Variants in WARS2 observed in about 807,000 individuals in gnomAD.
The protein encoded by WARS2 is tryptophanyl tRNA synthetase 2, mitochondrial.
A neutral mutation model predicts 36.5 loss-of-function variants in WARS2; 28 were observed. That is an observed-to-expected ratio of 0.77 (90% confidence interval 0.57 to 1.05). WARS2 has a LOEUF of 1.05. Among genes scored for constraint, WARS2 ranks in the 50% least tolerant of loss-of-function variants. The pLI, the probability that WARS2 is intolerant of heterozygous loss-of-function variation, is 0.00. For synonymous variants in WARS2, 174 were observed against 178.4 expected (o/e 0.98, Z 0.20); for missense variants, 435 against 456.8 (o/e 0.95, Z 0.44).
At chr1:119,068,858 CA>C (rs1651087129) in intron 2 of WARS2, among the ~76,000 whole-genome samples, 3 of 149,494 alleles carry the variant, frequency 2.0e-5, no homozygotes, top group Non-Finnish European at 3.0e-5. Flanking sequence ...CACACATACA[CA>C]CACACACACA....
intron 1 of WARS2, among the ~76,000 whole-genome samples, chr1:119,104,268 T>A (rs1248201520): frequency 1.3e-5 from 2 of 151,660 alleles, no homozygotes; most frequent in African/African-American, 4.8e-5. Flanking sequence ...AATATTAGGA[T>A]CCTTTCCCCC....
intron 2 of WARS2, among the ~76,000 whole-genome samples, chr1:119,061,097 G>A (rs1351486993): frequency 2.0e-5 from 3 of 152,038 alleles, no homozygotes; most frequent in Non-Finnish European, 4.4e-5. Context: ...ATTCTTCAGA[G>A]GAATACAACA....
intron 1 of WARS2, among the ~76,000 whole-genome samples, chr1:119,124,819 AC>A (rs1406121669): frequency 2.0e-5 from 3 of 152,216 alleles, no homozygotes; most frequent in Non-Finnish European, 2.9e-5. Flanking sequence ...ATTCTAAGGT[AC>A]TATACAACTG....
intron 2 of WARS2, among the ~76,000 whole-genome samples, chr1:119,060,178 A>G (rs917543550): frequency 2.6e-5 from 4 of 152,240 alleles, no homozygotes; most frequent in Admixed American, 1.3e-4. Context: ...TTAGCTTGGT[A>G]TCAGTCTTCT....
At chr1:119,034,065 T>A (rs774919478) in intron 5 of WARS2, 30 bp downstream of exon 5, 3 of 1,577,600 alleles carry the variant, frequency 1.9e-6, no homozygotes, top group Admixed American at 1.7e-5. Flanking sequence ...GAATATACCC[T>A]GATGTAACAA....
chr1:119,132,533 C>T (rs1238961699), intron 1 of WARS2, among the ~76,000 whole-genome samples: 2 of 152,166 alleles, frequency 1.3e-5, no homozygotes, highest in Non-Finnish European at 2.9e-5. Flanking sequence ...TCAGACCATT[C>T]TCCCCATGGG....
At chr1:119,088,435 A>AACACACAC (rs113752727) in intron 1 of WARS2, among the ~76,000 whole-genome samples, 12,280 of 149,028 alleles carry the variant, frequency 0.082, 515 homozygotes, top group Non-Finnish European at 0.099. Flanking sequence ...GAAACACTGA[A>AACACACAC]ACACACACAC....
intron 1 of WARS2, among the ~76,000 whole-genome samples, chr1:119,120,770 A>G (rs1655280118): frequency 6.6e-6 from 1 of 152,162 alleles, no homozygotes; most frequent in Non-Finnish European, 1.5e-5. Flanking sequence ...GATATACCAC[A>G]CAAACAGAAA....
intron 2 of WARS2, among the ~76,000 whole-genome samples, chr1:119,048,000 T>C (rs924652165): frequency 1.3e-5 from 2 of 152,212 alleles, no homozygotes; most frequent in African/African-American, 4.8e-5. Flanking sequence ...TCCTGAGACA[T>C]ACAATGTACC....
At chr1:119,105,774 G>A (rs1358362689) in intron 1 of WARS2, among the ~76,000 whole-genome samples, 2 of 152,126 alleles carry the variant, frequency 1.3e-5, no homozygotes, top group African/African-American at 2.4e-5. Context: ...TAGCCGGTGT[G>A]GTAATGCGCG....
At chr1:119,140,426 T>TAGAC (rs1321304212) in intron 1 of WARS2, 129 bp downstream of exon 1, 15 of 756,136 alleles carry the variant, frequency 2.0e-5, no homozygotes, top group South Asian at 7.7e-5. Flanking sequence ...CATAGACGAG[T>TAGAC]AGACCTTAGG....
intron 1 of WARS2, chr1:119,126,502 T>A: frequency 4.4e-6 from 2 of 454,038 alleles, no homozygotes; most frequent in Admixed American, 3.2e-5. Context: ...TTTTCACAAA[T>A]AGGACTTTTT....
intron 1 of WARS2, among the ~76,000 whole-genome samples, chr1:119,081,346 C>T (rs1652180362): frequency 6.6e-6 from 1 of 152,198 alleles, no homozygotes; most frequent in Non-Finnish European, 1.5e-5. Context: ...CAAAAGAAGG[C>T]TGCCTACTAG....
chr1:119,062,303 G>C (rs749580058), intron 2 of WARS2, among the ~76,000 whole-genome samples: 29 of 152,066 alleles, frequency 1.9e-4, no homozygotes, highest in Non-Finnish European at 2.9e-5. Flanking sequence ...AAGTAGACTA[G>C]TACCAAACAT....
At chr1:119,056,637 C>T (rs935245212) in intron 2 of WARS2, among the ~76,000 whole-genome samples, 2 of 150,926 alleles carry the variant, frequency 1.3e-5, no homozygotes, top group Non-Finnish European at 3.0e-5. Context: ...CTGTTCAGTT[C>T]AATGAATTCT....
At chr1:119,045,714 A>T in intron 2 of WARS2, 52 bp from the exon 3 acceptor site, 1 of 1,424,836 alleles carries the variant, frequency 7.0e-7, no homozygotes, top group Middle Eastern at 2.4e-4. Flanking sequence ...TTTCTTGCAT[A>T]TAAGAAGAAC....
intron 2 of WARS2, among the ~76,000 whole-genome samples, chr1:119,058,659 T>C (rs1650079036): frequency 8.0e-6 from 1 of 125,102 alleles, no homozygotes; most frequent in Non-Finnish European, 1.6e-5. Flanking sequence ...TATGGCTGCA[T>C]AGGATTCCAT....
intron 1 of WARS2, among the ~76,000 whole-genome samples, chr1:119,105,181 G>T (rs75695872): frequency 1.3e-5 from 2 of 152,170 alleles, no homozygotes; most frequent in African/African-American, 4.8e-5. Flanking sequence ...TGAAATGGGT[G>T]TGGGGCTGAG....
intron 1 of WARS2, among the ~76,000 whole-genome samples, chr1:119,124,601 T>C (rs1655532828): frequency 6.6e-6 from 1 of 152,174 alleles, no homozygotes; most frequent in Non-Finnish European, 1.5e-5. Flanking sequence ...CCACTCACCG[T>C]AGTCCAAGCC....
Sources: allele counts gnomAD v4.1 joint callset (sites outside exome capture counted in the v4.1 genomes callset), GRCh38; gene constraint gnomAD v4.1.1; transcripts MANE v1.5; gene names NCBI Gene and HGNC (gene_info 2026-07-23, HGNC 2026-07-21).